C3: variants seen among roughly 807,000 people sequenced by gnomAD.
The protein encoded by C3 is complement C3.
A neutral mutation model predicts 207.9 loss-of-function variants in C3; 97 were observed. That is an observed-to-expected ratio of 0.47 (90% confidence interval 0.40 to 0.55). The LOEUF (loss-of-function observed/expected upper bound fraction) is 0.55. Ranked by LOEUF, C3 falls within the 20% of genes least tolerant of loss-of-function variation. The probability of loss-of-function intolerance (pLI) is 0.00; values close to 1 mark genes in which losing one functional copy is unlikely to be tolerated. For missense variants in C3, 1,684 were observed against 2,171.7 expected, an observed-to-expected ratio of 0.78 and a Z score of 4.46; for synonymous variants, 848 against 857.6, an observed-to-expected ratio of 0.99 and a Z score of 0.20.
intron 12 of C3, 66 bp from the exon 13 acceptor site, chr19:6,710,911 G>A: frequency 6.2e-7 from 1 of 1,601,754 alleles, no homozygotes; most frequent in South Asian, 1.1e-5. Context: ...AGGGATCCGG[G>A]ATGGGGGAAG....
chr19:6,693,110 AT>A, intron 25 of C3, 27 bp from the exon 26 acceptor site: 1 of 1,612,222 alleles, frequency 6.2e-7, no homozygotes, highest in Non-Finnish European at 8.5e-7. Context: ...GCATGAGCCA[AT>A]CGGCTCTGAG....
chr19:6,697,647 C>T lies in C3; in HGVS notation c.2583+5G>A, dbSNP rs1220695201. On this transcript the variant is annotated splice_donor_5th_base_variant and intron_variant, in intron 20 of 40. Transcript: ENST00000245907. ...CCAAGAAGCCTCTGCCACCCCGGGA[C>T]CCACCTTGAGCTCTTGGTTCTGCCG... The T allele has an allele frequency of 1.2e-6, 2 of 1,614,062 alleles. No homozygotes were observed. Among genetic ancestry groups the T allele is most frequent in the Admixed American group, 1.7e-5 (1 of 60,000 alleles).
intron 33 of C3, chr19:6,683,446 A>ATTTTTTTTTTTTTTTTTTTTTTTTTT (rs770744810): frequency 6.4e-5 from 6 of 93,430 alleles, no homozygotes; most frequent in African/African-American, 1.3e-4. Flanking sequence ...GTTTTATTCT[A>ATTTTTTTTTTTTTTTTTTTTTTTTTT]TTTTTTTTTT....
At chr19:6,688,825 C>T (rs1233822188) in intron 27 of C3, among the ~76,000 whole-genome samples, 1 of 152,052 alleles carries the variant, frequency 6.6e-6, no homozygotes, top group Non-Finnish European at 1.5e-5. Context: ...CACGTGGCCA[C>T]AGTGGAAACA....
chr19:6,702,500 A>G lies in C3; in HGVS notation c.2325T>C (p.Val775=). 6.2e-7 allele frequency: 1 copy of G among 1,614,018 alleles called. No homozygotes were observed. The change falls in exon 18 of 41, where the codon GTT becomes GTC. Residue 775 remains valine, a synonymous_variant. Transcript: ENST00000245907. ...TTTTCGGTGGCTCTTTCAAGTCCTC[A>G]ACGTTCCACAGCCAGCTCTCTGGGA... ...SEFPESWLWN[V]EDLKEPPKNG...
chr19:6,712,236 C>T (rs753853298), intron 11 of C3, 21 bp downstream of exon 11: 45 of 1,612,810 alleles, frequency 2.8e-5, no homozygotes, highest in African/African-American at 8.0e-5. Context: ...GATGGGGTTC[C>T]GAGGCTGGGC....
intron 14 of C3, 69 bp downstream of exon 14, chr19:6,709,615 A>AACCCCC: frequency 2.5e-6 from 1 of 403,616 alleles, no homozygotes; most frequent in Non-Finnish European, 4.4e-6. Flanking sequence ...CTCCAGTCCC[A>AACCCCC]CCCACCTCCC....
intron 9 of C3, 24 bp downstream of exon 9, chr19:6,713,165 C>T: frequency 1.2e-6 from 2 of 1,613,514 alleles, no homozygotes; most frequent in Non-Finnish European, 1.7e-6. Flanking sequence ...TGGTCCTGAG[C>T]CTGGCCTTCA....
At chr19:6,690,851 C>G in intron 26 of C3, 124 bp from the exon 27 acceptor site, 3 of 748,598 alleles carry the variant, frequency 4.0e-6, no homozygotes, top group Non-Finnish European at 7.2e-6. Flanking sequence ...GGTGTTACCC[C>G]GCTACCCTAG....
intron 4 of C3, chr19:6,716,999 G>C (rs1968046052): frequency 6.6e-6 from 1 of 152,404 alleles, no homozygotes; most frequent in Non-Finnish European, 1.5e-5. Context: ...AAGGCGCCAA[G>C]GCAGGACTGC....
chr19:6,692,981 C>T lies in C3; in HGVS notation c.3333G>A (p.Lys1111=), dbSNP rs372537765. 8 of 1,614,100 alleles carry T rather than the reference C, an allele frequency of 5.0e-6. No individual in the cohort carries two copies. The African/African-American group carries it at 9.3e-5, about 19-fold the overall frequency. ...CGAVKWLILE[K]QKPDGVFQED... ...CCTGGAAGACCCCGTCGGGCTTCTG[C>T]TTCTCCAGGATCAGCCATTTAACAG... Residue 1111 remains lysine, a synonymous_variant, in exon 26 of 41, where the codon AAG becomes AAA. Coordinates refer to ENST00000245907, the MANE Select transcript of C3 (RefSeq NM_000064.4).
At position 6,707,193 on chromosome 19, in the gene C3, G is replaced by A; in HGVS notation, c.2128C>T (p.Arg710Trp). 1.2e-6 allele frequency: 2 copies of A among 1,613,774 alleles called. No individual in the cohort carries two copies. The highest frequency in any genetic ancestry group is 1.7e-6 in the Non-Finnish European group (2 of 1,179,896). The change falls in exon 17 of 41, where the codon CGG (arginine) becomes TGG (tryptophan). Residue 710 changes from arginine (R) to tryptophan (W), a missense_variant. Arg to Trp is a moderately radical substitution (Grantham distance 101). Around this residue, in one of 3 missense-constraint regions of C3, gnomAD observed 1,280 missense variants for 1,739.1 expected, o/e 0.74. Coordinates refer to ENST00000245907, the MANE Select transcript of C3 (RefSeq NM_000064.4). ...TCGCCCAGGGAGATGAAACGGGTCCGGCGCTGGCACGAGAACCTCATGGGG... is the reference window on the plus strand; with the variant it reads ...TCGCCCAGGGAGATGAAACGGGTCCAGCGCTGGCACGAGAACCTCATGGGG... ...ENPMRFSCQR[R>W]TRFISLGEAC...
intron 4 of C3, among the ~76,000 whole-genome samples, 187 bp from the exon 5 acceptor site, chr19:6,714,633 G>A (rs11882156): frequency 0.01 from 1,555 of 152,272 alleles, 28 homozygotes; most frequent in African/African-American, 0.036. Context: ...AGGCTGAGGC[G>A]GGCAGATCAC....
At position 6,707,456 on chromosome 19, in the gene C3, A is replaced by G; in HGVS notation, c.2047+10T>C. The G allele has an allele frequency of 1.2e-6, 2 of 1,613,602 alleles. No homozygotes were observed. The highest frequency in any genetic ancestry group is 8.5e-7 in the Non-Finnish European group (1 of 1,179,780). ...GCTCGGGGGCAGGAGTGGGTAGGAA[A>G]GGCTCCCACCTTTGTCCATTCGCTT... is the stretch of plus-strand genomic sequence containing the variant. On this transcript the variant is annotated intron_variant, in intron 16 of 40. Coordinates refer to ENST00000245907, the MANE Select transcript of C3 (RefSeq NM_000064.4).
In C3 at chr19:6,710,789, C is replaced by T. The variant is rs1967905934; in HGVS notation, c.1536G>A (p.Gln512=). 6.2e-7 allele frequency: 1 copy of T among 1,613,856 alleles called. No individual in the cohort carries two copies. Among genetic ancestry groups the T allele is most frequent in the Non-Finnish European group, 8.5e-7 (1 of 1,180,044 alleles). ...TGGACAGGGGCAGCACCACCAGGTC[C>T]TGGCCGGGCTCTCGCACCTGGCGTC... is the stretch of plus-strand genomic sequence containing the variant. The part of the protein sequence containing the change: ...KAGRQVREPG[Q]DLVVLPLSIT... Residue 512 remains glutamine, a synonymous_variant, in exon 13 of 41, where the codon CAG becomes CAA. Transcript: ENST00000245907.
chr19:6,713,583 G>A (rs978635409), intron 7 of C3, 74 bp from the exon 8 acceptor site: 1 of 1,203,950 alleles, frequency 8.3e-7, no homozygotes, highest in African/African-American at 1.5e-5. Context: ...TCTCCTGCCT[G>A]TGCTGAAGAC....
intron 14 of C3, among the ~76,000 whole-genome samples, chr19:6,708,501 CTTCCTCCCTCCA>C (rs1967833130): frequency 1.3e-5 from 2 of 151,298 alleles, no homozygotes; most frequent in African/African-American, 4.9e-5. Context: ...CTCTCCCTCC[CTTCCTCCCTCCA>C]TTCCTCCTTT....
At chr19:6,693,713 T>G (rs1391975539) in intron 24 of C3, among the ~76,000 whole-genome samples, 1 of 129,824 alleles carries the variant, frequency 7.7e-6, no homozygotes, top group Admixed American at 8.2e-5. Context: ...GAGAAGGATA[T>G]TGAGGGTGGG....
rs986762837 is a variant in C3, at chr19:6,714,521, C to T, written c.505-75G>A. 152 of 1,002,142 alleles carry T rather than the reference C, an allele frequency of 1.5e-4. 4 individuals carry two copies. The East Asian group carries it at 3.4e-3, about 23-fold the overall frequency. 62.1% of individuals were successfully genotyped at this position (1,002,142 alleles called of 1,614,324 possible). A position where few individuals can be genotyped will look rare whatever the true frequency, so the allele number is the denominator to read the frequency against. On this transcript the variant is annotated intron_variant, in intron 4 of 40. Coordinates refer to ENST00000245907, the MANE Select transcript of C3 (RefSeq NM_000064.4). ...CTGGGCTTAGCCTCTCAGCTCTCCC[C>T]GACCTGTGTCTGGACATTCTCTGTG...
Sources: gnomAD v4.1 joint callset for allele counts (sites outside exome capture counted in the v4.1 genomes callset) on GRCh38, gnomAD v4.1.1 for gene constraint, gnomAD v4.1.1 regional missense constraint, MANE v1.5 for transcripts, NCBI Gene and HGNC (gene_info 2026-07-23, HGNC 2026-07-21) for gene names.